The following PPFIBP1 variants were observed in gnomAD, a reference collection of about 807,000 sequenced individuals.
PPFIBP1 encodes the protein PPFIB scaffold protein 1, also known as liprin-beta-1.
Under a neutral mutation model 137.8 loss-of-function variants are expected in PPFIBP1, and 112 were observed. The ratio of observed to expected loss-of-function variants is 0.81; its 90% CI spans 0.70 to 0.95. The LOEUF is 0.95. Among genes scored for constraint, PPFIBP1 ranks in the 40% least tolerant of loss-of-function variants. The probability of loss-of-function intolerance (pLI) is 0.00; values close to 1 mark genes in which losing one functional copy is unlikely to be tolerated. For missense variants in PPFIBP1, 1,083 were observed against 1,196.6 expected (o/e 0.91, Z 1.40); for synonymous variants, 378 against 417.3 (o/e 0.91, Z 1.15).
chr12:27,552,305 T>C (rs1040473739), intron 1 of PPFIBP1, among the ~76,000 whole-genome samples: 22 of 152,196 alleles, frequency 1.4e-4, no homozygotes, highest in African/African-American at 5.3e-4. Flanking sequence ...TTATTGTTAA[T>C]GAAGAGAATT....
chr12:27,604,769 C>T (rs2054342824), intron 2 of PPFIBP1, among the ~76,000 whole-genome samples: 1 of 152,158 alleles, frequency 6.6e-6, no homozygotes, highest in Non-Finnish European at 1.5e-5. Flanking sequence ...TGTTTTCACA[C>T]TGCTGATAAA....
At chr12:27,534,387 A>G (rs1276489981) in intron 1 of PPFIBP1, among the ~76,000 whole-genome samples, 1 of 152,190 alleles carries the variant, frequency 6.6e-6, no homozygotes, top group Non-Finnish European at 1.5e-5. Flanking sequence ...GTGAAAGGAA[A>G]TTCACAGACA....
chr12:27,593,789 G>A, intron 2 of PPFIBP1: 2 of 957,048 alleles, frequency 2.1e-6, no homozygotes, highest in Non-Finnish European at 3.0e-6. Context: ...TGTTCAGTTT[G>A]CAAAACTGTC....
intron 1 of PPFIBP1, among the ~76,000 whole-genome samples, chr12:27,543,981 G>GCTAT (rs1945953317): frequency 6.9e-6 from 1 of 144,608 alleles, no homozygotes; most frequent in African/African-American, 2.6e-5. Context: ...CCAGGCTCAA[G>GCTAT]CTATCCTCCC....
intron 19 of PPFIBP1, among the ~76,000 whole-genome samples, chr12:27,678,600 C>G (rs1287609641): frequency 6.6e-6 from 1 of 152,058 alleles, no homozygotes; most frequent in Non-Finnish European, 1.5e-5. Flanking sequence ...TGGCTCACGC[C>G]TGTAATCTCA....
chr12:27,673,636 C>A (rs2060334541), intron 15 of PPFIBP1, 131 bp from the exon 16 acceptor site: 1 of 702,038 alleles, frequency 1.4e-6, no homozygotes, highest in South Asian at 2.0e-5. Context: ...TAAGTGACTG[C>A]CTGATTCCAG....
At chr12:27,578,603 C>T (rs948154649) in intron 2 of PPFIBP1, among the ~76,000 whole-genome samples, 5 of 152,224 alleles carry the variant, frequency 3.3e-5, no homozygotes, top group South Asian at 2.1e-4. Flanking sequence ...TCTACACCAG[C>T]GAGAATTGCT....
At chr12:27,678,856 C>CAAAAAAAAAAA (rs60834907) in intron 19 of PPFIBP1, among the ~76,000 whole-genome samples, 12 of 98,964 alleles carry the variant, frequency 1.2e-4, no homozygotes, top group African/African-American at 4.6e-4. Context: ...GACTCTGTCT[C>CAAAAAAAAAAA]AAAAAAAAAA....
chr12:27,529,819 A>G (rs1944209511), intron 1 of PPFIBP1, among the ~76,000 whole-genome samples: 1 of 152,236 alleles, frequency 6.6e-6, no homozygotes, highest in African/African-American at 2.4e-5. Flanking sequence ...AGGTAGGCCC[A>G]TTGGGAAGAG....
chr12:27,689,604 C>T (rs1454266303), intron 27 of PPFIBP1, among the ~76,000 whole-genome samples: 1 of 152,120 alleles, frequency 6.6e-6, no homozygotes, highest in Admixed American at 6.6e-5. Flanking sequence ...TTATGATGTC[C>T]AGTTTTTTCT....
intron 1 of PPFIBP1, among the ~76,000 whole-genome samples, chr12:27,574,803 C>T (rs934722307): frequency 2.8e-4 from 43 of 152,304 alleles, no homozygotes; most frequent in African/African-American, 9.6e-4. Context: ...TTATTTAACC[C>T]CTCTGCCTTG....
intron 2 of PPFIBP1, among the ~76,000 whole-genome samples, chr12:27,598,412 A>G (rs940318303): frequency 6.6e-6 from 1 of 152,054 alleles, no homozygotes; most frequent in Non-Finnish European, 1.5e-5. Flanking sequence ...CGTGGGAAAG[A>G]CCCACCCCCC....
At chr12:27,646,015 T>C (rs1176696686) in intron 4 of PPFIBP1, 47 bp from the exon 5 acceptor site, 1 of 1,351,794 alleles carries the variant, frequency 7.4e-7, no homozygotes, top group Non-Finnish European at 1.1e-6. Flanking sequence ...CTACGATATA[T>C]CATTCTTAGA....
chr12:27,605,870 T>C (rs2054473764), intron 2 of PPFIBP1, among the ~76,000 whole-genome samples: 1 of 152,228 alleles, frequency 6.6e-6, no homozygotes, highest in Non-Finnish European at 1.5e-5. Flanking sequence ...ATATTAAAAT[T>C]ATTGTCTTGA....
At chr12:27,646,292 G>T (rs577377242) in intron 5 of PPFIBP1, 144 bp downstream of exon 5, 1 of 702,328 alleles carries the variant, frequency 1.4e-6, no homozygotes, top group Non-Finnish European at 2.6e-6. Context: ...ATAGGGAGTG[G>T]TGAGGATTGG....
chr12:27,689,240 C>T (rs1053705607), intron 27 of PPFIBP1, 37 bp downstream of exon 27: 2 of 1,495,366 alleles, frequency 1.3e-6, no homozygotes, highest in Non-Finnish European at 1.8e-6. Context: ...AATTGCTTGG[C>T]GCAAAGGCAA....
intron 1 of PPFIBP1, among the ~76,000 whole-genome samples, chr12:27,530,253 A>T (rs913069085): frequency 2.0e-5 from 3 of 152,260 alleles, no homozygotes; most frequent in African/African-American, 7.2e-5. Flanking sequence ...ATGATGGAAG[A>T]GTCGAATGAA....
chr12:27,536,563 C>T (rs1398413484), intron 1 of PPFIBP1, among the ~76,000 whole-genome samples: 2 of 152,104 alleles, frequency 1.3e-5, no homozygotes, highest in Non-Finnish European at 2.9e-5. Flanking sequence ...AGGGGAATGG[C>T]GCTAAACCAT....
intron 18 of PPFIBP1, 182 bp downstream of exon 18, chr12:27,676,781 A>G (rs2060539892): frequency 2.9e-6 from 2 of 696,866 alleles, no homozygotes; most frequent in Non-Finnish European, 4.9e-6. Context: ...GTGAAGATAT[A>G]TAGACTCTCA....
Sources: gnomAD v4.1 joint callset for allele counts (sites outside exome capture counted in the v4.1 genomes callset) on GRCh38, gnomAD v4.1.1 for gene constraint, MANE v1.5 for transcripts, NCBI Gene and HGNC (gene_info 2026-07-23, HGNC 2026-07-21) for gene names.